Variants in TIE1 observed in about 807,000 individuals in gnomAD.
TIE1 encodes the protein tyrosine-protein kinase receptor Tie-1.
TIE1 carries 89 observed loss-of-function variants against 130.5 expected under a neutral mutation model. The observed-to-expected ratio is 0.68, with a 90% CI of 0.57 to 0.81. The LOEUF (loss-of-function observed/expected upper bound fraction) is 0.81. Ranked by LOEUF, TIE1 falls within the 40% of genes least tolerant of loss-of-function variation. The pLI is 0.00. For missense variants in TIE1, 1,392 were observed against 1,559.8 expected (o/e 0.89, Z 1.81); for synonymous variants, 568 against 629.4 (o/e 0.90, Z 1.46).
intron 1 of TIE1, among the ~76,000 whole-genome samples, chr1:43,303,811 G>T (rs76148363): frequency 0.12 from 18,344 of 151,952 alleles, 1,392 homozygotes; most frequent in East Asian, 0.24. Context: ...CCTCCCCATT[G>T]TCCTCACGCC....
Position 43,307,731 on chromosome 1 carries a change from C to A in TIE1, c.914-65C>A. 6.2e-7 allele frequency: 1 copy of A among 1,606,982 alleles called. No homozygotes were observed. Among genetic ancestry groups the A allele is most frequent in the Non-Finnish European group, 8.5e-7 (1 of 1,175,074 alleles). On this transcript the variant is annotated intron_variant, in intron 6 of 22. Coordinates refer to ENST00000372476, the MANE Select transcript of TIE1 (RefSeq NM_005424.5). This position sits in a 1 kb window ranked among gnomAD's most constrained non-coding sequence, Gnocchi z 5.4. ...TTGTATAACCTGTGCCCCATCTGCG[C>A]CCTCATCTGTGCCCTCATTGCCCCC...
chr1:43,321,751 C>T (rs1415483180), intron 22 of TIE1, 36 bp downstream of exon 22: 1 of 1,544,234 alleles, frequency 6.5e-7, no homozygotes, highest in African/African-American at 1.4e-5. Flanking sequence ...GGGCTGGGCT[C>T]ACAGAGTGCT....
Position 43,313,481 on chromosome 1 carries a change from C to T in TIE1, c.2218+56C>T, listed in dbSNP as rs763192468. 34 of 1,584,766 alleles carry T rather than the reference C, an allele frequency of 2.1e-5. No individual in the cohort carries two copies. In the South Asian group the frequency reaches 2.8e-4, roughly 13 times the overall value. On this transcript the variant is annotated intron_variant, in intron 13 of 22. Transcript: ENST00000372476. The surrounding 1 kb of genome is among the most constrained non-coding windows in gnomAD (Gnocchi z 6.2). Reference sequence around the variant, plus strand: ...GGCTCTGAGCGGGGAGAGCTCAGCACGCTCTCCTTCCACATCACCCCCTAC... The same window carrying T: ...GGCTCTGAGCGGGGAGAGCTCAGCATGCTCTCCTTCCACATCACCCCCTAC...
At chr1:43,310,901 T>C (rs1646783718) in intron 9 of TIE1, among the ~76,000 whole-genome samples, 1 of 152,140 alleles carries the variant, frequency 6.6e-6, no homozygotes, top group South Asian at 2.1e-4. Flanking sequence ...CCTCCCTCTT[T>C]CCTTCCTTCC....
Position 43,304,946 on chromosome 1 carries a change from A to AGGGGCTCGGACGCCTG in TIE1, c.158_173dup (p.Pro59LeufsTer87). ...CGTGTCTGGGGAGGCCGGGGCGGGGAGGGGCTCGGACGCCTGGGGCCCGCC... is the reference window on the plus strand; with the variant it reads ...CGTGTCTGGGGAGGCCGGGGCGGGGAGGGGCTCGGACGCCTGGGGGCTCGGACGCCTGGGGCCCGCC... On this transcript the variant is annotated frameshift_variant, in exon 2 of 23. Coordinates refer to ENST00000372476, the MANE Select transcript of TIE1 (RefSeq NM_005424.5). LOFTEE classifies it high-confidence loss of function. 6.9e-7 allele frequency: 1 copy of AGGGGCTCGGACGCCTG among 1,446,254 alleles called. No individual in the cohort carries two copies. The highest frequency in any genetic ancestry group is 1.5e-5 in the South Asian group (1 of 68,536). The allele number at this position is 1,446,254 out of a possible 1,614,324, so 89.6% of individuals were successfully genotyped here.
rs1457736828 is a variant in TIE1, at chr1:43,313,947, C to T, written c.2388C>T (p.Thr796=). ...GAAGCTGCCTGCATCGGAGACGCACCTTCACCTACCAGTCAGGCTCGGTCA... is the reference window on the plus strand; with the variant it reads ...GAAGCTGCCTGCATCGGAGACGCACTTTCACCTACCAGTCAGGCTCGGTCA... ...IRRSCLHRRR[T]FTYQSGSGEE... Residue 796 remains threonine, a synonymous_variant, in exon 14 of 23, where the codon ACC becomes ACT. Transcript: ENST00000372476. This position sits in a 1 kb window ranked among gnomAD's most constrained non-coding sequence, Gnocchi z 6.2. 1.9e-6 allele frequency: 3 copies of T among 1,614,042 alleles called. No homozygotes were observed. Among genetic ancestry groups the T allele is most frequent in the Non-Finnish European group, 2.5e-6 (3 of 1,180,026 alleles).
chr1:43,301,482 CA>C (rs772356610), intron 1 of TIE1, among the ~76,000 whole-genome samples: 1,943 of 113,252 alleles, frequency 0.017, 25 homozygotes, highest in African/African-American at 0.046. Context: ...TCGTCTTTTT[CA>C]AAAAAAAAAA....
At chr1:43,310,867 C>G (rs370292362) in intron 9 of TIE1, among the ~76,000 whole-genome samples, 3 of 152,204 alleles carry the variant, frequency 2.0e-5, no homozygotes, top group Non-Finnish European at 2.9e-5. Flanking sequence ...GCTTACAGCG[C>G]GGCATCCTTT....
Position 43,312,487 on chromosome 1 carries a change from G to C in TIE1, c.1813G>C (p.Ala605Pro). The C allele has an allele frequency of 6.2e-7, 1 of 1,612,666 alleles. No homozygotes were observed. The highest frequency in any genetic ancestry group is 8.5e-7 in the Non-Finnish European group (1 of 1,179,870). The change falls in exon 12 of 23, where the codon GCC (alanine) becomes CCC (proline). Residue 605 changes from alanine to proline, a missense_variant. By Grantham distance (27) the Ala-to-Pro change is conservative. Transcript: ENST00000372476. The surrounding 1 kb of genome is among the most constrained non-coding windows in gnomAD (Gnocchi z 5.6). The part of the protein sequence containing the change: ...ENVSSPQART[A>P]LLTGLTPGTH... Reference sequence around the variant, plus strand: ...CGTCTCATCCCCCCAGGCCCGCACTGCCCTCCTGACGGGACTCACGCCTGG... The same window carrying C: ...CGTCTCATCCCCCCAGGCCCGCACTCCCCTCCTGACGGGACTCACGCCTGG...
At position 43,322,837 on chromosome 1, in the gene TIE1, A is replaced by C; in HGVS notation, c.*115A>C. ...TAAGCTGCCTCAAGGAATTTTTTTA[A>C]CTTAAGGGAGAAAAAAAGGGATCTG... On this transcript the variant is annotated 3_prime_UTR_variant, in exon 23 of 23. Transcript: ENST00000372476. This position sits in a 1 kb window ranked among gnomAD's most constrained non-coding sequence, Gnocchi z 4.0. 1.0e-6 allele frequency: 1 copy of C among 979,144 alleles called. No individual in the cohort carries two copies. The highest frequency in any genetic ancestry group is 1.5e-6 in the Non-Finnish European group (1 of 655,742). 60.7% of individuals were successfully genotyped at this position (979,144 alleles called of 1,614,324 possible).
chr1:43,307,944 T>G lies in TIE1; in HGVS notation c.1042+20T>G. 1.2e-6 allele frequency: 2 copies of G among 1,612,968 alleles called. No individual in the cohort carries two copies. Among genetic ancestry groups the G allele is most frequent in the Non-Finnish European group, 1.7e-6 (2 of 1,179,092 alleles). On this transcript the variant is annotated intron_variant, in intron 7 of 22. Coordinates refer to ENST00000372476, the MANE Select transcript of TIE1 (RefSeq NM_005424.5). The surrounding 1 kb of genome is among the most constrained non-coding windows in gnomAD (Gnocchi z 5.4). ...AGTCAGGTATAAGCACTATGACCTC[T>G]GAGAGCCCCCCAAGATAAGTCGGCC...
At chr1:43,314,540 G>T in intron 14 of TIE1, 2 of 998,828 alleles carry the variant, frequency 2.0e-6, no homozygotes, top group Non-Finnish European at 2.4e-6. Flanking sequence ...GGAGACTTAA[G>T]AAAGGGGCTG....
chr1:43,316,794 G>A lies in TIE1; in HGVS notation c.2410-405G>A, dbSNP rs988462300. 6.6e-6 allele frequency among the ~76,000 whole-genome samples: 1 copy of A among 152,136 alleles called. No individual in the cohort carries two copies. The highest frequency in any genetic ancestry group is 2.4e-5 in the African/African-American group (1 of 41,436). ...ACAACAACAAAAAGCCTGGTTGTAGGATTAGCACAGTCATAGGAAGCTCAT... is the reference window on the plus strand; with the variant it reads ...ACAACAACAAAAAGCCTGGTTGTAGAATTAGCACAGTCATAGGAAGCTCAT... On this transcript the variant is annotated intron_variant, in intron 14 of 22. Transcript: ENST00000372476. The surrounding 1 kb of genome is among the most constrained non-coding windows in gnomAD (Gnocchi z 4.4).
In TIE1 at chr1:43,311,697, C is replaced by T. The variant is rs759402690; in HGVS notation, c.1360C>T (p.Arg454Trp). 8.7e-6 allele frequency: 14 copies of T among 1,613,648 alleles called. No individual in the cohort carries two copies. The East Asian group carries it at 8.9e-5, about 10-fold the overall frequency. ...GCCCCCCGTGCCCCTGGCTGCACCTCGGCTCCTGACCAAGCAGAGCCGCCA... is the reference window on the plus strand; with the variant it reads ...GCCCCCCGTGCCCCTGGCTGCACCTTGGCTCCTGACCAAGCAGAGCCGCCA... ...KVPPVPLAAP[R>W]LLTKQSRQLV... The change falls in exon 10 of 23, where the codon CGG becomes TGG. Residue 454 changes from arginine to tryptophan, a missense_variant. Physicochemically the swap from Arg to Trp is moderately radical, Grantham distance 101. This residue lies in a region of TIE1 where 551 missense variants were observed against 565.5 expected (regional missense o/e 0.97). Coordinates refer to ENST00000372476, the MANE Select transcript of TIE1 (RefSeq NM_005424.5).
chr1:43,319,343 A>G lies in TIE1; in HGVS notation c.3031A>G (p.Thr1011Ala). The change falls in exon 18 of 23, where the codon ACG becomes GCG. Residue 1011 changes from threonine (T) to alanine (A), a missense_variant. By Grantham distance (58) the Thr-to-Ala change is moderately conservative. Transcript: ENST00000372476. This position sits in a 1 kb window ranked among gnomAD's most constrained non-coding sequence, Gnocchi z 4.7. The stretch of plus-strand genomic sequence containing the variant: ...GGGAGAGGAGGTTTATGTGAAGAAG[A>G]CGATGGTGAGTCTCATTCAACCCTC... Reference protein sequence around the residue: ...SRGEEVYVKKTMGRLPVRWMA... With the variant: ...SRGEEVYVKKAMGRLPVRWMA... 6.2e-7 allele frequency: 1 copy of G among 1,613,762 alleles called. No homozygotes were observed. Among genetic ancestry groups the G allele is most frequent in the African/African-American group, 1.3e-5 (1 of 74,958 alleles).
Position 43,317,992 on chromosome 1 carries a change from G to A in TIE1, c.2842G>A (p.Ala948Thr). 6.2e-7 allele frequency: 1 copy of A among 1,607,552 alleles called. No individual in the cohort carries two copies. The change falls in exon 17 of 23, where the codon GCC becomes ACC. Residue 948 changes from alanine to threonine, a missense_variant. Transcript: ENST00000372476. The surrounding 1 kb of genome is among the most constrained non-coding windows in gnomAD (Gnocchi z 5.1). ...DPAFAREHGTASTLSSRQLLR... is the reference protein window; with the variant it reads ...DPAFAREHGTTSTLSSRQLLR... ...AGCTTTTGCTCGAGAGCATGGGACA[G>A]CCTCTACCCTTAGCTCCCGGCAGCT... is the stretch of plus-strand genomic sequence containing the variant.
At position 43,305,026 on chromosome 1, in the gene TIE1, G is replaced by A. The variant is rs369446714; in HGVS notation, c.234G>A (p.Leu78=). Residue 78 remains leucine (L), a synonymous_variant, in exon 2 of 23, where the codon CTG becomes CTA. Coordinates refer to ENST00000372476, the MANE Select transcript of TIE1 (RefSeq NM_005424.5). ...RIVRTPPGPP[L]RLARNGSHQV... is the part of the protein sequence containing the mutation. The stretch of plus-strand genomic sequence containing the variant: ...TGCGCACCCCGCCCGGGCCACCCCT[G>A]CGCCTGGCGCGCAACGGTTCGCACC... 1.3e-4 allele frequency: 198 copies of A among 1,578,316 alleles called. No homozygotes were observed. Among genetic ancestry groups the A allele is most frequent in the Non-Finnish European group, 1.7e-4 (194 of 1,159,974 alleles).
At chr1:43,321,742 G>A in intron 22 of TIE1, 27 bp downstream of exon 22, 2 of 1,549,350 alleles carry the variant, frequency 1.3e-6, no homozygotes, top group Middle Eastern at 3.4e-4. Context: ...TGAGGTGGCG[G>A]GCTGGGCTCA....
chr1:43,305,005 C>A lies in TIE1; in HGVS notation c.213C>A (p.Arg71=), dbSNP rs762125230. Residue 71 remains arginine (R), a synonymous_variant, in exon 2 of 23, where the codon CGC becomes CGA. Transcript: ENST00000372476. The part of the protein sequence containing the change: ...LLLEKDDRIV[R]TPPGPPLRLA... ...TGGAGAAGGACGACCGTATCGTGCG[C>A]ACCCCGCCCGGGCCACCCCTGCGCC... The A allele has an allele frequency of 1.2e-5, 18 of 1,541,664 alleles. No individual in the cohort carries two copies. Among genetic ancestry groups the A allele is most frequent in the Middle Eastern group, 3.4e-4 (2 of 5,804 alleles).
Sources: gnomAD v4.1 joint callset for allele counts (sites outside exome capture counted in the v4.1 genomes callset) on GRCh38, gnomAD v4.1.1 for gene constraint, gnomAD v4.1.1 regional missense constraint, Gnocchi (gnomAD v3.1) non-coding constraint, MANE v1.5 for transcripts, NCBI Gene and HGNC (gene_info 2026-07-23, HGNC 2026-07-21) for gene names.